Variants in INSC observed in about 807,000 individuals in gnomAD.
INSC encodes the protein INSC spindle orientation adaptor protein.
A neutral mutation model predicts 58.6 loss-of-function variants in INSC; 67 were observed. That is an observed-to-expected ratio of 1.14 (90% CI 0.94 to 1.40). The LOEUF (loss-of-function observed/expected upper bound fraction) is 1.40. Ranked by LOEUF, INSC falls within the 40% of genes most tolerant of loss-of-function variation. The pLI, the probability that INSC is intolerant of heterozygous loss-of-function variation, is 0.00. For synonymous variants in INSC, 262 were observed against 276.1 expected (o/e 0.95, Z 0.51); for missense variants, 714 against 692.0 (o/e 1.03, Z -0.36).
chr11:15,145,242 G>A (rs569859581), intron 1 of INSC, among the ~76,000 whole-genome samples: 1 of 152,270 alleles, frequency 6.6e-6, no homozygotes, highest in South Asian at 2.1e-4. Flanking sequence ...AGGTATAATT[G>A]AGGAAACCAC....
In INSC at chr11:15,149,936, C is replaced by T. The variant is rs16931073; in HGVS notation, c.56+706C>T. 3.2e-3 allele frequency among the ~76,000 whole-genome samples: 488 copies of T among 152,296 alleles called. 2 individuals are homozygous for T. Among genetic ancestry groups the T allele is most frequent in the African/African-American group, 0.011 (460 of 41,550 alleles). On this transcript the variant is annotated intron_variant, in intron 2 of 12. Coordinates refer to ENST00000379556, the MANE Select transcript of INSC (RefSeq NM_001042536.3). ...GGAATCAAATTATTAGGAGGCAAGG[C>T]ATGATTTCTAACTGATCTTGCACAG...
intron 1 of INSC, among the ~76,000 whole-genome samples, chr11:15,147,959 C>A (rs920040233): frequency 6.6e-6 from 1 of 152,192 alleles, no homozygotes; most frequent in Non-Finnish European, 1.5e-5. Flanking sequence ...ACAGAATCTG[C>A]ATATTCCTCA....
intron 1 of INSC, among the ~76,000 whole-genome samples, chr11:15,119,552 G>A (rs763267275): frequency 7.2e-5 from 11 of 152,368 alleles, no homozygotes; most frequent in Non-Finnish European, 1.3e-4. Flanking sequence ...TGGCTGGGTA[G>A]TTGTGTATAC....
intron 1 of INSC, among the ~76,000 whole-genome samples, chr11:15,116,796 T>TTTC (rs1321163235): frequency 2.3e-5 from 3 of 129,240 alleles, no homozygotes; most frequent in African/African-American, 8.3e-5. Context: ...CTTTCTTTTC[T>TTTC]TTTCTTTCTT....
At chr11:15,197,411 G>A (rs1850412815) in intron 6 of INSC, among the ~76,000 whole-genome samples, 1 of 152,204 alleles carries the variant, frequency 6.6e-6, no homozygotes, top group Non-Finnish European at 1.5e-5. Context: ...GAATTACTGT[G>A]TTTGGGTTTC....
At chr11:15,191,976 C>G (rs529484849) in intron 6 of INSC, among the ~76,000 whole-genome samples, 1 of 152,280 alleles carries the variant, frequency 6.6e-6, no homozygotes, top group East Asian at 1.9e-4. Context: ...CTATTCCTCC[C>G]AAAACAGGAG....
chr11:15,121,576 A>AT (rs1160784640), intron 1 of INSC, among the ~76,000 whole-genome samples: 1 of 152,100 alleles, frequency 6.6e-6, no homozygotes, highest in Admixed American at 6.5e-5. Flanking sequence ...CAAAATTATT[A>AT]TTTTTTCTCT....
chr11:15,148,276 G>A (rs1848545191), intron 1 of INSC, among the ~76,000 whole-genome samples: 1 of 152,168 alleles, frequency 6.6e-6, no homozygotes, highest in Non-Finnish European at 1.5e-5. Flanking sequence ...TTAGATAATA[G>A]GAAGCCTAGA....
rs1714358 is a variant in INSC, at chr11:15,137,816, G to A, written c.-45-11314G>A. Reference sequence around the variant, plus strand: ...TTTTGTCATTCATGTGTTCACTGAAGTAGCATTTTTAATTTCCTTTAAAAA... The same window carrying A: ...TTTTGTCATTCATGTGTTCACTGAAATAGCATTTTTAATTTCCTTTAAAAA... On this transcript the variant is annotated intron_variant, in intron 1 of 12. Coordinates refer to ENST00000379556, the MANE Select transcript of INSC (RefSeq NM_001042536.3). 4.1e-3 allele frequency among the ~76,000 whole-genome samples: 629 copies of A among 152,320 alleles called. 8 individuals are homozygous for A. Among genetic ancestry groups the A allele is most frequent in the African/African-American group, 0.013 (523 of 41,574 alleles).
At chr11:15,241,623 G>A in intron 12 of INSC, 1 of 702,934 alleles carries the variant, frequency 1.4e-6, no homozygotes, top group Non-Finnish European at 2.6e-6. Context: ...TCCTGCTGTG[G>A]TTTTTATTTT....
intron 7 of INSC, among the ~76,000 whole-genome samples, chr11:15,215,193 G>A (rs1851168446): frequency 6.6e-6 from 1 of 152,206 alleles, no homozygotes; most frequent in Non-Finnish European, 1.5e-5. Context: ...GGAAAGTCTG[G>A]CTTCAGGCCC....
chr11:15,165,145 A>G (rs1849151217), intron 2 of INSC, among the ~76,000 whole-genome samples: 1 of 152,196 alleles, frequency 6.6e-6, no homozygotes, highest in Non-Finnish European at 1.5e-5. Flanking sequence ...TTCATTATAA[A>G]TATCATCCAT....
intron 1 of INSC, among the ~76,000 whole-genome samples, chr11:15,126,647 A>G (rs1848003159): frequency 6.6e-6 from 1 of 151,936 alleles, no homozygotes; most frequent in Non-Finnish European, 1.5e-5. Flanking sequence ...CAAGCATCTC[A>G]TTGAACTCAT....
At chr11:15,194,505 T>A (rs1412205145) in intron 6 of INSC, among the ~76,000 whole-genome samples, 2 of 152,210 alleles carry the variant, frequency 1.3e-5, no homozygotes, top group African/African-American at 2.4e-5. Context: ...GAATCACTCA[T>A]CTAAGCCCTT....
rs1590023040 is a variant in INSC, at chr11:15,246,546, A to G, written c.*506A>G. 6.5e-6 allele frequency: 1 copy of G among 152,858 alleles called. No individual in the cohort carries two copies. Among genetic ancestry groups the G allele is most frequent in the African/African-American group, 2.4e-5 (1 of 41,564 alleles). 9.5% of individuals were successfully genotyped at this position (152,858 alleles called of 1,614,324 possible). The stretch of plus-strand genomic sequence containing the variant: ...AATGTATCCCGGATTTTCTTATTAA[A>G]TTGTATTTTAAACTAGGTTCTTGCT... On this transcript the variant is annotated 3_prime_UTR_variant, in exon 13 of 13. Transcript: ENST00000379556.
chr11:15,157,721 A>G (rs563127546), intron 2 of INSC, among the ~76,000 whole-genome samples: 1 of 152,248 alleles, frequency 6.6e-6, no homozygotes, highest in South Asian at 2.1e-4. Flanking sequence ...TAGACTCCCA[A>G]AATTGAGAAG....
chr11:15,188,456 C>A, intron 5 of INSC: 1 of 543,364 alleles, frequency 1.8e-6, no homozygotes, highest in Non-Finnish European at 2.3e-6. Flanking sequence ...GTCAAGTCTG[C>A]ATCTGTTTCC....
At chr11:15,222,130 G>C (rs1431310323) in intron 8 of INSC, among the ~76,000 whole-genome samples, 2 of 152,124 alleles carry the variant, frequency 1.3e-5, no homozygotes, top group Non-Finnish European at 2.9e-5. Flanking sequence ...TCATATCATG[G>C]GGCCTTGAAA....
At chr11:15,173,745 A>T (rs1320735305) in intron 2 of INSC, among the ~76,000 whole-genome samples, 7 of 152,226 alleles carry the variant, frequency 4.6e-5, no homozygotes, top group African/African-American at 7.2e-5. Flanking sequence ...AAAACAATTT[A>T]AAAAGCAATT....
Sources: allele counts gnomAD v4.1 joint callset (sites outside exome capture counted in the v4.1 genomes callset), GRCh38; gene constraint gnomAD v4.1.1; transcripts MANE v1.5; gene names NCBI Gene and HGNC (gene_info 2026-07-23, HGNC 2026-07-21).